Variants in TTF2 observed in about 807,000 individuals in gnomAD.
TTF2 encodes transcription termination factor 2, also known as RNA polymerase II termination factor.
Under a neutral mutation model 142.4 loss-of-function variants are expected in TTF2, and 108 were observed. The ratio of observed to expected loss-of-function variants is 0.76; its 90% CI spans 0.65 to 0.89. The LOEUF is 0.89. Ranked by LOEUF, TTF2 falls within the 40% of genes least tolerant of loss-of-function variation. The pLI is 0.00. For synonymous variants in TTF2, 483 were observed against 506.2 expected (o/e 0.95, Z 0.61); for missense variants, 1,327 against 1,379.8 (o/e 0.96, Z 0.61).
chr1:117,089,027 T>G (rs749097542), intron 13 of TTF2, 45 bp downstream of exon 13: 3 of 1,533,056 alleles, frequency 2.0e-6, no homozygotes, highest in Non-Finnish European at 2.6e-6. Context: ...CCTGTCTGTA[T>G]CCCTTCATCA....
chr1:117,081,979 C>T (rs780846414), intron 10 of TTF2, 32 bp downstream of exon 10: 2 of 1,613,398 alleles, frequency 1.2e-6, no homozygotes, highest in Non-Finnish European at 1.7e-6. Context: ...GCCTGCCATT[C>T]CCTACGTCAT....
At chr1:117,081,052 A>G (rs1276699070) in intron 9 of TTF2, among the ~76,000 whole-genome samples, 2 of 152,246 alleles carry the variant, frequency 1.3e-5, no homozygotes, top group Non-Finnish European at 2.9e-5. Flanking sequence ...GTACAAAACA[A>G]TTTAGGCAGA....
rs956755513 is a variant in TTF2 at position 117,085,456 on chromosome 1, G to A, written c.2055-961G>A. The stretch of plus-strand genomic sequence containing the variant: ...TAGTGCCATTTACTTGGGAGGCTGA[G>A]GTGGGAGAATCGCTTGAGCCTGGAA... On this transcript the variant is annotated intron_variant, in intron 11 of 22. Coordinates refer to ENST00000369466, the MANE Select transcript of TTF2 (RefSeq NM_003594.4). The surrounding 1 kb of genome is among the most constrained non-coding windows in gnomAD (Gnocchi z 4.7). Among the ~76,000 whole-genome samples, 5 of 152,140 alleles carry A rather than the reference G, an allele frequency of 3.3e-5. No individual in the cohort carries two copies. The highest frequency in any genetic ancestry group is 5.9e-5 in the Non-Finnish European group (4 of 68,026).
Position 117,075,713 on chromosome 1 carries a change from G to A in TTF2, c.1129G>A (p.Asp377Asn). The A allele has an allele frequency of 6.2e-7, 1 of 1,614,152 alleles. No homozygotes were observed. The highest frequency in any genetic ancestry group is 2.2e-5 in the East Asian group (1 of 44,864). Residue 377 changes from aspartate (D) to asparagine (N), a missense_variant, in exon 5 of 23, where the codon GAC (aspartate) becomes AAC (asparagine). Coordinates refer to ENST00000369466, the MANE Select transcript of TTF2 (RefSeq NM_003594.4). This position sits in a 1 kb window ranked among gnomAD's most constrained non-coding sequence, Gnocchi z 4.5. ...CCCCCTACTCTTTGACTCGACTCTG[G>A]ACTTAGAGACGAAGGAAAACCTCCA... The part of the protein sequence containing the change: ...GSPLLFDSTL[D>N]LETKENLQFP...
At chr1:117,061,206 A>G (rs1229476755) in intron 2 of TTF2, among the ~76,000 whole-genome samples, 2 of 152,054 alleles carry the variant, frequency 1.3e-5, no homozygotes, top group African/African-American at 2.4e-5. Context: ...CCTGGGCAAC[A>G]TGGTGAAATC....
rs747792379 is a variant in TTF2 at position 117,090,097 on chromosome 1, G to A, written c.2385G>A (p.Arg795=). ...CATTTGATGAGTTCAATCTGTGGAG[G>A]AGTCAGGTTGACAATGGCTCAAAGA... ...CSPFDEFNLW[R]SQVDNGSKKG... is the part of the protein sequence containing the mutation. Residue 795 remains arginine (R), a synonymous_variant, in exon 14 of 23, where the codon AGG becomes AGA. Transcript: ENST00000369466. The surrounding 1 kb of genome is among the most constrained non-coding windows in gnomAD (Gnocchi z 4.8). 3.1e-6 allele frequency: 5 copies of A among 1,614,100 alleles called. No homozygotes were observed. Among genetic ancestry groups the A allele is most frequent in the Non-Finnish European group, 4.2e-6 (5 of 1,179,982 alleles).
rs1648043475 is a variant in TTF2 at position 117,086,636 on chromosome 1, A to C, written c.2160+114A>C. 1 of 699,528 alleles carries C rather than the reference A, an allele frequency of 1.4e-6. No individual in the cohort carries two copies. Among genetic ancestry groups the C allele is most frequent in the Non-Finnish European group, 2.5e-6 (1 of 394,698 alleles). 43.3% of individuals were successfully genotyped at this position (699,528 alleles called of 1,614,324 possible). A position where few individuals can be genotyped will look rare whatever the true frequency, so the allele number is the denominator to read the frequency against. On this transcript the variant is annotated intron_variant, in intron 12 of 22. Transcript: ENST00000369466. This position sits in a 1 kb window ranked among gnomAD's most constrained non-coding sequence, Gnocchi z 4.2. ...CCTCCCTGGAGGTCAGGAATGCTGTAAATGATCCGCATGTGGAAAGGAATT... is the reference window on the plus strand; with the variant it reads ...CCTCCCTGGAGGTCAGGAATGCTGTCAATGATCCGCATGTGGAAAGGAATT...
In TTF2 at chr1:117,095,255, G is replaced by A. The variant is rs373968212; in HGVS notation, c.2977-54G>A. The stretch of plus-strand genomic sequence containing the variant: ...CTGCTTCGCATGGCAGGTGAGGGGA[G>A]ATGGAGAAAAGTGAATTGCTTAAAC... On this transcript the variant is annotated intron_variant, in intron 18 of 22. Transcript: ENST00000369466. The A allele has an allele frequency of 1.2e-3, 1,878 of 1,579,532 alleles. 4 individuals carry two copies. The highest frequency in any genetic ancestry group is 3.3e-3 in the Middle Eastern group (20 of 6,004).
chr1:117,096,103 G>A, intron 19 of TTF2, 46 bp from the exon 20 acceptor site: 1 of 1,607,008 alleles, frequency 6.2e-7, no homozygotes, highest in Non-Finnish European at 8.5e-7. Flanking sequence ...AGATGAGTCT[G>A]TTTAATCTAT....
chr1:117,077,049 T>TTATTGTTAAATGCTTTCTGTCCC, intron 7 of TTF2, among the ~76,000 whole-genome samples: 1 of 152,324 alleles, frequency 6.6e-6, no homozygotes, highest in Non-Finnish European at 1.5e-5. Context: ...TATTTTATTA[T>TTATTGTTAAATGCTTTCTGTCCC]TATTGTTAAA....
chr1:117,075,550 G>T lies in TTF2; in HGVS notation c.966G>T (p.Val322=). 6.2e-7 allele frequency: 1 copy of T among 1,614,186 alleles called. No individual in the cohort carries two copies. Among genetic ancestry groups the T allele is most frequent in the Non-Finnish European group, 8.5e-7 (1 of 1,180,030 alleles). The change falls in exon 5 of 23, where the codon GTG becomes GTT. Residue 322 remains valine, a synonymous_variant. Transcript: ENST00000369466. The surrounding 1 kb of genome is among the most constrained non-coding windows in gnomAD (Gnocchi z 4.5). ...AAGAGCGGCCGGAGACCCACAGTGT[G>T]CCTGCTCCTGGAGGACCAGCGGCTC... is the stretch of plus-strand genomic sequence containing the variant. ...HFQERPETHS[V]PAPGGPAAQA...
chr1:117,088,591 G>C (rs1319005598), intron 12 of TTF2, among the ~76,000 whole-genome samples: 1 of 151,666 alleles, frequency 6.6e-6, no homozygotes, highest in Non-Finnish European at 1.5e-5. Context: ...GACATCTTAT[G>C]TTCAAAGACT....
At chr1:117,084,937 C>T (rs1647881632) in intron 11 of TTF2, among the ~76,000 whole-genome samples, 1 of 152,226 alleles carries the variant, frequency 6.6e-6, no homozygotes, top group Admixed American at 6.5e-5. Context: ...GATTGGTGCC[C>T]CTCTGTCTTA....
chr1:117,078,092 C>T (rs1465093785), intron 8 of TTF2, 49 bp downstream of exon 8: 13 of 1,588,708 alleles, frequency 8.2e-6, no homozygotes, highest in Non-Finnish European at 1.1e-5. Context: ...AGTGCTCCAG[C>T]AGCCCCATGA....
chr1:117,087,719 A>T lies in TTF2; in HGVS notation c.2161-1082A>T, dbSNP rs1648152352. On this transcript the variant is annotated intron_variant, in intron 12 of 22. Coordinates refer to ENST00000369466, the MANE Select transcript of TTF2 (RefSeq NM_003594.4). This position sits in a 1 kb window ranked among gnomAD's most constrained non-coding sequence, Gnocchi z 4.8. ...TCTGTAGTTCCCACCATGCTCTGTC[A>T]CAGTGTTGTGTCTGTTCTCCCTCCG... Among the ~76,000 whole-genome samples, 1 of 152,102 alleles carries T rather than the reference A, an allele frequency of 6.6e-6. No individual in the cohort carries two copies. The highest frequency in any genetic ancestry group is 6.5e-5 in the Admixed American group (1 of 15,276).
rs1166946570 is a variant in TTF2 at position 117,100,677 on chromosome 1, C to T, written c.3345-703C>T. On this transcript the variant is annotated intron_variant, in intron 22 of 22. Coordinates refer to ENST00000369466, the MANE Select transcript of TTF2 (RefSeq NM_003594.4). This position sits in a 1 kb window ranked among gnomAD's most constrained non-coding sequence, Gnocchi z 4.6. Reference sequence around the variant, plus strand: ...TGGGGTGCTCTCCTCACTGCTCTTTCTGGCAAACCCTTGCCCAACATACAA... The same window carrying T: ...TGGGGTGCTCTCCTCACTGCTCTTTTTGGCAAACCCTTGCCCAACATACAA... Among the ~76,000 whole-genome samples, 1 of 152,214 alleles carries T rather than the reference C, an allele frequency of 6.6e-6. No individual in the cohort carries two copies. Among genetic ancestry groups the T allele is most frequent in the Non-Finnish European group, 1.5e-5 (1 of 68,042 alleles).
rs557934577 is a variant in TTF2 at position 117,098,239 on chromosome 1, G to A, written c.3270-594G>A. 4.0e-5 allele frequency: 6 copies of A among 151,830 alleles called. No homozygotes were observed. The South Asian group carries it at 8.3e-4, about 21-fold the overall frequency. The allele number at this position is 151,830 out of a possible 1,614,324, so 9.4% of individuals were successfully genotyped here. ...AAATGTTATCCAAGATTTTAAAGAG[G>A]TAAGATGAGAAACTAATTTGGAGTT... On this transcript the variant is annotated intron_variant, in intron 21 of 22. Coordinates refer to ENST00000369466, the MANE Select transcript of TTF2 (RefSeq NM_003594.4).
At position 117,080,354 on chromosome 1, in the gene TTF2, C is replaced by T. The variant is rs1330967188; in HGVS notation, c.1783+705C>T. 6.6e-6 allele frequency among the ~76,000 whole-genome samples: 1 copy of T among 152,122 alleles called. No homozygotes were observed. Among genetic ancestry groups the T allele is most frequent in the Non-Finnish European group, 1.5e-5 (1 of 68,026 alleles). On this transcript the variant is annotated intron_variant, in intron 9 of 22. Transcript: ENST00000369466. This position sits in a 1 kb window ranked among gnomAD's most constrained non-coding sequence, Gnocchi z 4.3. ...AAGCATCACAGCTACTTTGCTTCACCAAGTGCTAGAGGCAACCAGTGCCAC... is the reference window on the plus strand; with the variant it reads ...AAGCATCACAGCTACTTTGCTTCACTAAGTGCTAGAGGCAACCAGTGCCAC...
intron 11 of TTF2, among the ~76,000 whole-genome samples, chr1:117,084,692 G>A (rs1271009175): frequency 5.3e-5 from 8 of 152,162 alleles, no homozygotes; most frequent in Non-Finnish European, 1.0e-4. Flanking sequence ...AGGAAGGAGG[G>A]AAGAAAATGC....
Sources: gnomAD v4.1 joint callset for allele counts (sites outside exome capture counted in the v4.1 genomes callset) on GRCh38, gnomAD v4.1.1 for gene constraint, Gnocchi (gnomAD v3.1) non-coding constraint, MANE v1.5 for transcripts, NCBI Gene and HGNC (gene_info 2026-07-23, HGNC 2026-07-21) for gene names.